The following WNT5B variants were observed in gnomAD, a reference collection of about 807,000 sequenced individuals.
WNT5B encodes the protein Wnt family member 5B.
Under a neutral mutation model 36.5 loss-of-function variants are expected in WNT5B, and 18 were observed. The observed-to-expected ratio is 0.49, with a 90% CI of 0.34 to 0.73. The LOEUF (loss-of-function observed/expected upper bound fraction) is 0.73, where lower values mean the gene tolerates loss of function less well. Ranked by LOEUF, WNT5B falls within the 30% of genes least tolerant of loss-of-function variation. WNT5B has a pLI of 0.01. For missense variants in WNT5B, 424 were observed against 508.4 expected, an observed-to-expected ratio of 0.83 and a Z score of 1.60; for synonymous variants, 213 against 212.3, an observed-to-expected ratio of 1.00 and a Z score of -0.03.
chr12:1,636,153 G>T (rs998550269), intron 3 of WNT5B, among the ~76,000 whole-genome samples: 29 of 152,156 alleles, frequency 1.9e-4, no homozygotes, highest in African/African-American at 7.0e-4. Context: ...AGTATCATTT[G>T]TTATTTCTTA....
chr12:1,643,418 G>A (rs1565612831), intron 4 of WNT5B, among the ~76,000 whole-genome samples: 1 of 152,040 alleles, frequency 6.6e-6, no homozygotes, highest in Non-Finnish European at 1.5e-5. Flanking sequence ...AGGCTGGAGT[G>A]CAATGGCGCG....
intron 4 of WNT5B, 94 bp from the exon 5 acceptor site, chr12:1,645,700 C>G: frequency 1.7e-6 from 2 of 1,198,024 alleles, no homozygotes; most frequent in Non-Finnish European, 2.3e-6. Context: ...CCTACCGGCC[C>G]CTCCTGTGTA....
chr12:1,627,141 G>A (rs2094542382), upstream of WNT5B, among the ~76,000 whole-genome samples: 1 of 152,172 alleles, frequency 6.6e-6, no homozygotes, highest in Admixed American at 6.5e-5. This position sits in a 1 kb window ranked among gnomAD's most constrained non-coding sequence, Gnocchi z 5.0. Context: ...TAGAATAATG[G>A]CGATGGGGGC....
At chr12:1,622,360 A>G (rs962282252) in intron 1 of WNT5B, among the ~76,000 whole-genome samples, 2 of 151,822 alleles carry the variant, frequency 1.3e-5, no homozygotes, top group African/African-American at 2.4e-5. Flanking sequence ...AGACCAATGC[A>G]CCTTGGGGCA....
chr12:1,637,832 C>T (rs185897227), intron 3 of WNT5B, among the ~76,000 whole-genome samples: 4 of 152,086 alleles, frequency 2.6e-5, no homozygotes, highest in African/African-American at 9.7e-5. Context: ...AAGTACATCC[C>T]TTAATTAAAA....
At chr12:1,627,988 T>C (rs919565999), upstream of WNT5B, among the ~76,000 whole-genome samples, 18 of 152,184 alleles carry the variant, frequency 1.2e-4, no homozygotes, top group Non-Finnish European at 2.5e-4. This position sits in a 1 kb window ranked among gnomAD's most constrained non-coding sequence, Gnocchi z 5.0. Flanking sequence ...TGTAATTCAT[T>C]TGATTAATGA....
chr12:1,639,381 G>A (rs6489310), intron 3 of WNT5B, among the ~76,000 whole-genome samples: 101,383 of 151,856 alleles, frequency 0.67, 34,170 homozygotes, highest in Non-Finnish European at 0.71. Context: ...CTCGTGGTCC[G>A]CCCGCCCCGG....
Position 1,639,847 on chromosome 12 carries a change from C to G in WNT5B, c.492C>G (p.Asn164Lys). The G allele has an allele frequency of 6.2e-7, 1 of 1,613,962 alleles. No individual in the cohort carries two copies. The highest frequency in any genetic ancestry group is 8.5e-7 in the Non-Finnish European group (1 of 1,179,918). ...GGCTGTGGGGCGGCTGTGGGGACAA[C>G]GTGGAGTACGGCTACCGCTTCGCCA... is the stretch of plus-strand genomic sequence containing the variant. ...RDWLWGGCGD[N>K]VEYGYRFAKE... is the part of the protein sequence containing the mutation. The change falls in exon 4 of 5, where the codon AAC becomes AAG. Residue 164 changes from asparagine (N) to lysine (K), a missense_variant. By Grantham distance (94) the Asn-to-Lys change is moderately conservative. Transcript: ENST00000397196.
At chr12:1,622,674 T>C (rs2094535506) in intron 1 of WNT5B, among the ~76,000 whole-genome samples, 1 of 152,204 alleles carries the variant, frequency 6.6e-6, no homozygotes, top group African/African-American at 2.4e-5. Flanking sequence ...TTTTCTTTTC[T>C]TTCAGTCAAC....
intron 4 of WNT5B, 124 bp from the exon 5 acceptor site, chr12:1,645,669 GA>G: frequency 1.2e-6 from 1 of 856,880 alleles, no homozygotes; most frequent in Non-Finnish European, 1.8e-6. Flanking sequence ...GCATGCATTT[GA>G]AAAGCTATCT....
chr12:1,646,822 G>A lies in WNT5B; in HGVS notation c.*570G>A, dbSNP rs949203188. On this transcript the variant is annotated 3_prime_UTR_variant, in exon 5 of 5. Coordinates refer to ENST00000397196, the MANE Select transcript of WNT5B (RefSeq NM_032642.3). ...TCCTTCCCTAAAATGAGAAGTCCAA[G>A]GTCATCTCTGGCCCAGTGACCACAG... The A allele has an allele frequency of 6.6e-6, 1 of 152,234 alleles. No homozygotes were observed. The highest frequency in any genetic ancestry group is 1.5e-5 in the Non-Finnish European group (1 of 68,090). The allele number at this position is 152,234 out of a possible 1,614,324, so 9.4% of individuals were successfully genotyped here. A position where few individuals can be genotyped will look rare whatever the true frequency, so the allele number is the denominator to read the frequency against.
chr12:1,636,334 T>A (rs185099686), intron 3 of WNT5B, among the ~76,000 whole-genome samples: 9 of 151,730 alleles, frequency 5.9e-5, no homozygotes, highest in African/African-American at 2.2e-4. Flanking sequence ...ACTGTCACTC[T>A]GCGTACCCCA....
chr12:1,635,761 C>A (rs1249728485), intron 3 of WNT5B, among the ~76,000 whole-genome samples: 1 of 152,356 alleles, frequency 6.6e-6, no homozygotes, highest in Non-Finnish European at 1.5e-5. Flanking sequence ...ATCTTACCAT[C>A]CCCAGTGCTC....
chr12:1,629,052 A>ATTTTT (rs1287262313), upstream of WNT5B: 1 of 150,610 alleles, frequency 6.6e-6, no homozygotes, highest in Non-Finnish European at 1.5e-5. Context: ...AATTTTTAAA[A>ATTTTT]AAAAAAACAT....
chr12:1,621,365 T>G (rs770232794), intron 1 of WNT5B, among the ~76,000 whole-genome samples: 3 of 152,118 alleles, frequency 2.0e-5, no homozygotes, highest in Non-Finnish European at 4.4e-5. Context: ...TTTGGCTCTC[T>G]AGGAAGATTC....
At position 1,646,312 on chromosome 12, in the gene WNT5B, A is replaced by C; in HGVS notation, c.*60A>C. The stretch of plus-strand genomic sequence containing the variant: ...GCCTCACAAAGGTCTATATTATATA[A>C]ATCTATATAAATCTATTTTATATTT... On this transcript the variant is annotated 3_prime_UTR_variant, in exon 5 of 5. Transcript: ENST00000397196. 1.0e-5 allele frequency: 13 copies of C among 1,242,174 alleles called. No homozygotes were observed. Among genetic ancestry groups the C allele is most frequent in the Non-Finnish European group, 1.4e-5 (13 of 947,246 alleles). 76.9% of individuals were successfully genotyped at this position (1,242,174 alleles called of 1,614,324 possible).
chr12:1,620,218 TC>T (rs1490003102), intron 1 of WNT5B, among the ~76,000 whole-genome samples: 2 of 152,112 alleles, frequency 1.3e-5, no homozygotes, highest in African/African-American at 4.8e-5. Context: ...CACAGCCCCC[TC>T]CCTTGGAAAC....
At chr12:1,637,643 G>A (rs573324524) in intron 3 of WNT5B, among the ~76,000 whole-genome samples, 2 of 151,324 alleles carry the variant, frequency 1.3e-5, no homozygotes, top group Admixed American at 6.6e-5. Context: ...CCAGCTACTC[G>A]GGAGGCTGAG....
In WNT5B at chr12:1,630,861, GA is replaced by G. The variant is rs2094549323; in HGVS notation, c.-57-434del. 6.5e-6 allele frequency: 1 copy of G among 154,182 alleles called. No individual in the cohort carries two copies. The highest frequency in any genetic ancestry group is 1.4e-5 in the Non-Finnish European group (1 of 69,242). 9.6% of individuals were successfully genotyped at this position (154,182 alleles called of 1,614,324 possible). ...TACAAAGGAGAGCCTGAGGGTCAGA[GA>G]AATAAGTCTCTGGGCTGGAATGAGA... is the stretch of plus-strand genomic sequence containing the variant. On this transcript the variant is annotated intron_variant, in intron 1 of 4. Transcript: ENST00000397196. This position sits in a 1 kb window ranked among gnomAD's most constrained non-coding sequence, Gnocchi z 5.3.
Sources: allele counts gnomAD v4.1 joint callset (sites outside exome capture counted in the v4.1 genomes callset), GRCh38; gene constraint gnomAD v4.1.1; non-coding constraint Gnocchi (gnomAD v3.1); transcripts MANE v1.5; gene names NCBI Gene and HGNC (gene_info 2026-07-23, HGNC 2026-07-21).